Variants in PRIMPOL observed in about 807,000 individuals in gnomAD.
PRIMPOL encodes the protein DNA-directed primase/polymerase protein.
In PRIMPOL, 54 loss-of-function variants were observed where a neutral mutation model predicts 63.6. That is an observed-to-expected ratio of 0.85 (90% CI 0.68 to 1.07). The LOEUF is 1.07. PRIMPOL is among the 50% of genes least tolerant of loss of function. PRIMPOL has a pLI of 0.00. For missense variants in PRIMPOL, 610 were observed against 648.3 expected, an observed-to-expected ratio of 0.94 and a Z score of 0.64; for synonymous variants, 197 against 220.2, an observed-to-expected ratio of 0.89 and a Z score of 0.93.
chr4:184,659,129 C>T (rs1279624773), intron 3 of PRIMPOL, among the ~76,000 whole-genome samples: 1 of 151,990 alleles, frequency 6.6e-6, no homozygotes, highest in East Asian at 1.9e-4. Context: ...ATTGTTTTCA[C>T]CTTTTGTATG....
intron 8 of PRIMPOL, among the ~76,000 whole-genome samples, chr4:184,681,873 C>G (rs1322468865): frequency 6.7e-6 from 1 of 150,348 alleles, no homozygotes; most frequent in Admixed American, 6.6e-5. Context: ...TGCATCTGGC[C>G]TATTTTTATT....
At chr4:184,687,835 C>T (rs546794181) in intron 11 of PRIMPOL, among the ~76,000 whole-genome samples, 5 of 152,194 alleles carry the variant, frequency 3.3e-5, no homozygotes, top group Non-Finnish European at 5.9e-5. Context: ...TGGCTGGTCT[C>T]GAACTCCCGA....
At chr4:184,674,901 T>C (rs1243365736) in intron 7 of PRIMPOL, among the ~76,000 whole-genome samples, 1 of 152,204 alleles carries the variant, frequency 6.6e-6, no homozygotes. Context: ...TGTCAAGCAA[T>C]TCAGCCTTTT....
Position 184,659,350 on chromosome 4 carries a change from T to TA in PRIMPOL, c.192dup (p.Phe65IlefsTer21). The stretch of plus-strand genomic sequence containing the variant: ...TTTGATTTTATGCAGGACGTTCATG[T>TA]ATTTGCTTTGGAATGCAAAGTAGGA... On this transcript the variant is annotated frameshift_variant, in exon 4 of 14. Coordinates refer to ENST00000314970, the MANE Select transcript of PRIMPOL (RefSeq NM_152683.4). LOFTEE classifies it high-confidence loss of function. 1 of 1,612,776 alleles carries TA rather than the reference T, an allele frequency of 6.2e-7. No homozygotes were observed. Among genetic ancestry groups the TA allele is most frequent in the South Asian group, 1.1e-5 (1 of 91,046 alleles).
intron 7 of PRIMPOL, 79 bp downstream of exon 7, chr4:184,672,539 G>A (rs1340209138): frequency 9.3e-6 from 13 of 1,394,788 alleles, no homozygotes; most frequent in East Asian, 2.3e-5. Flanking sequence ...ACTCGTCACC[G>A]TGCTCGGGAT....
intron 11 of PRIMPOL, among the ~76,000 whole-genome samples, chr4:184,689,459 T>G (rs923868198): frequency 7.1e-6 from 1 of 140,162 alleles, no homozygotes; most frequent in African/African-American, 2.7e-5. Flanking sequence ...TTTTTTTTTT[T>G]TTTTTTTTTT....
At chr4:184,660,381 A>T (rs967121099) in intron 4 of PRIMPOL, among the ~76,000 whole-genome samples, 28 of 151,684 alleles carry the variant, frequency 1.8e-4, no homozygotes, top group African/African-American at 5.6e-4. Flanking sequence ...GGATTTCATT[A>T]TATTGGTCAG....
intron 7 of PRIMPOL, among the ~76,000 whole-genome samples, chr4:184,673,254 G>A (rs1286781956): frequency 2.7e-5 from 4 of 146,718 alleles, no homozygotes; most frequent in Admixed American, 6.8e-5. Flanking sequence ...CTCAGCCTCC[G>A]GAGTAGCTGG....
At chr4:184,665,550 C>T (rs1749635760) in intron 5 of PRIMPOL, among the ~76,000 whole-genome samples, 1 of 146,542 alleles carries the variant, frequency 6.8e-6, no homozygotes, top group Admixed American at 6.9e-5. Flanking sequence ...GTCACCCAGA[C>T]TGGAGTGCAG....
At chr4:184,651,157 G>C (rs1465082892) in intron 1 of PRIMPOL, among the ~76,000 whole-genome samples, 1 of 152,060 alleles carries the variant, frequency 6.6e-6, no homozygotes, top group African/African-American at 2.4e-5. Flanking sequence ...CGGGTGCAGT[G>C]GTGGGCACCT....
chr4:184,657,879 G>T (rs1305743729), intron 3 of PRIMPOL, among the ~76,000 whole-genome samples: 2 of 152,016 alleles, frequency 1.3e-5, no homozygotes, highest in Non-Finnish European at 2.9e-5. Context: ...TGTAATCCCA[G>T]CTACTCCCAA....
intron 5 of PRIMPOL, among the ~76,000 whole-genome samples, chr4:184,662,710 A>G (rs1054442109): frequency 3.3e-5 from 5 of 152,138 alleles, no homozygotes; most frequent in African/African-American, 7.2e-5. Context: ...TAGATTACCC[A>G]TTTTATAACT....
intron 7 of PRIMPOL, among the ~76,000 whole-genome samples, chr4:184,675,920 C>T (rs760493600): frequency 6.6e-6 from 1 of 152,038 alleles, no homozygotes; most frequent in Non-Finnish European, 1.5e-5. Flanking sequence ...TTTGTGGTTG[C>T]CTTTGTACCC....
rs771315629 is a variant in PRIMPOL at position 184,659,428 on chromosome 4, A to G, written c.269A>G (p.Tyr90Cys). The G allele has an allele frequency of 5.0e-6, 8 of 1,608,002 alleles. No individual in the cohort carries two copies. The East Asian group carries it at 6.7e-5, about 13-fold the overall frequency. The change falls in exon 4 of 14, where the codon TAT (tyrosine) becomes TGT (cysteine). Residue 90 changes from tyrosine (Y) to cysteine (C), a missense_variant. Tyr to Cys is a radical substitution (Grantham distance 194). Transcript: ENST00000314970. ...ACCTATGCTGAATTTTGGTTTTACT[A>G]TAAATCCAGGTAGGTAGCATGCAGC... ...VTTYAEFWFY[Y>C]KSRKNLLHCY...
Position 184,679,866 on chromosome 4 carries a change from C to A in PRIMPOL, c.1007+1472C>A, listed in dbSNP as rs891243286. On this transcript the variant is annotated intron_variant, in intron 8 of 13. Coordinates refer to ENST00000314970, the MANE Select transcript of PRIMPOL (RefSeq NM_152683.4). ...ATGATCTGAGGTGGAACAGTTTCAG[C>A]CTGAAACCAGCCCACCTTGCCCCTG... Among the ~76,000 whole-genome samples the A allele has an allele frequency of 3.9e-5, 6 of 152,302 alleles. No individual in the cohort carries two copies. In the East Asian group the frequency reaches 7.7e-4, roughly 20 times the overall value.
At chr4:184,689,253 G>C (rs191889056) in intron 11 of PRIMPOL, among the ~76,000 whole-genome samples, 102 of 151,936 alleles carry the variant, frequency 6.7e-4, no homozygotes, top group African/African-American at 2.4e-3. Flanking sequence ...TTGTAGGTGG[G>C]ATCTCCCTCT....
chr4:184,694,227 TAAA>T, intron 13 of PRIMPOL: 1 of 1,098,970 alleles, frequency 9.1e-7, no homozygotes, highest in South Asian at 3.9e-5. Flanking sequence ...GTCCACTTGT[TAAA>T]AAATTAAATC....
At chr4:184,690,031 T>C (rs1758075055) in intron 11 of PRIMPOL, among the ~76,000 whole-genome samples, 1 of 152,202 alleles carries the variant, frequency 6.6e-6, no homozygotes, top group Non-Finnish European at 1.5e-5. Context: ...CTAAGTCACC[T>C]GCCTTTTTTT....
chr4:184,681,158 A>C (rs1185508278), intron 8 of PRIMPOL, among the ~76,000 whole-genome samples: 1 of 152,210 alleles, frequency 6.6e-6, no homozygotes, highest in African/African-American at 2.4e-5. Context: ...CTTGAAATAA[A>C]GGCTAAATCC....
Sources: gnomAD v4.1 joint callset for allele counts (sites outside exome capture counted in the v4.1 genomes callset) on GRCh38, gnomAD v4.1.1 for gene constraint, MANE v1.5 for transcripts, NCBI Gene and HGNC (gene_info 2026-07-23, HGNC 2026-07-21) for gene names.